Variants in TG observed in about 807,000 individuals in gnomAD.
TG encodes thyroglobulin.
In TG, 270 loss-of-function variants were observed where a neutral mutation model predicts 324.7. The ratio of observed to expected loss-of-function variants is 0.83; its 90% CI spans 0.75 to 0.92. The LOEUF is 0.92. Among genes scored for constraint, TG ranks in the 40% least tolerant of loss-of-function variants. TG has a pLI of 0.00. For missense variants in TG, 3,591 were observed against 3,456.4 expected (o/e 1.04, Z -0.98); for synonymous variants, 1,401 against 1,327.0 (o/e 1.06, Z -1.21).
At chr8:132,963,976 C>A (rs1828153062) in intron 29 of TG, among the ~76,000 whole-genome samples, 1 of 152,016 alleles carries the variant, frequency 6.6e-6, no homozygotes, top group African/African-American at 2.4e-5. Context: ...TACCTCTTAT[C>A]CCGTTAGATA....
Position 132,868,186 on chromosome 8 carries a change from G to A in TG, c.139G>A (p.Asp47Asn), listed in dbSNP as rs1208857552. ...QRETAFLKQA[D>N]YVPQCAEDGS... ...GGAAACGGCCTTTCTGAAGCAAGCA[G>A]ACTACGTGCCCCAGTGTGCAGAGGA... is the stretch of plus-strand genomic sequence containing the variant. Residue 47 changes from aspartate to asparagine, a missense_variant, in exon 2 of 48, where the codon GAC becomes AAC. Transcript: ENST00000220616. The A allele has an allele frequency of 3.1e-6, 5 of 1,614,160 alleles. No individual in the cohort carries two copies. The highest frequency in any genetic ancestry group is 1.3e-5 in the African/African-American group (1 of 75,036).
intron 35 of TG, chr8:133,001,671 AC>A: frequency 1.2e-6 from 1 of 862,292 alleles, no homozygotes; most frequent in Non-Finnish European, 1.4e-6. Context: ...CCGTCCGATG[AC>A]GACAGGGAGA....
chr8:133,058,659 G>A (rs547217588), intron 41 of TG, among the ~76,000 whole-genome samples: 5 of 152,284 alleles, frequency 3.3e-5, no homozygotes, highest in African/African-American at 1.2e-4. Context: ...TTTGGAGAGG[G>A]TGAGAAAGAG....
intron 20 of TG, among the ~76,000 whole-genome samples, chr8:132,917,887 CAATTTTTTTTTTTTTTTTAATTGCA>C (rs1019120547): frequency 1.8e-5 from 1 of 57,008 alleles, no homozygotes; most frequent in Non-Finnish European, 3.7e-5. Flanking sequence ...ACGGTTTTTG[CAATTTTTTTTTTTTTTTTAATTGCA>C]AAAACCACAA....
chr8:133,052,909 T>C (rs2131249667), intron 41 of TG, among the ~76,000 whole-genome samples: 1 of 152,298 alleles, frequency 6.6e-6, no homozygotes, highest in South Asian at 2.1e-4. Flanking sequence ...GGTTTCCTAG[T>C]CTGGAAAATG....
Position 132,941,506 on chromosome 8 carries a change from T to A in TG, c.5197T>A (p.Cys1733Ser). Reference sequence around the variant, plus strand: ...TCTTCTTGCATGCGACCGTGATCTGTGTTGCGATGGCTTCGTCCTCACACA... The same window carrying A: ...TCTTCTTGCATGCGACCGTGATCTGAGTTGCGATGGCTTCGTCCTCACACA... Reference protein sequence around the residue: ...FCLLACDRDLCCDGFVLTQVQ... With the variant: ...FCLLACDRDLSCDGFVLTQVQ... The change falls in exon 26 of 48, where the codon TGT becomes AGT. Residue 1733 changes from cysteine (C) to serine (S), a missense_variant. Transcript: ENST00000220616. The A allele has an allele frequency of 6.2e-7, 1 of 1,614,168 alleles. No individual in the cohort carries two copies. The highest frequency in any genetic ancestry group is 8.5e-7 in the Non-Finnish European group (1 of 1,180,042).
At chr8:133,058,635 G>C (rs1056969007) in intron 41 of TG, among the ~76,000 whole-genome samples, 2 of 152,198 alleles carry the variant, frequency 1.3e-5, no homozygotes, top group Non-Finnish European at 2.9e-5. Flanking sequence ...GGAGGAGGCT[G>C]TGGCCAAAGC....
At chr8:132,971,330 C>T (rs1829494066) in intron 32 of TG, among the ~76,000 whole-genome samples, 1 of 152,228 alleles carries the variant, frequency 6.6e-6, no homozygotes, top group Admixed American at 6.5e-5. Flanking sequence ...ACAGGCTCGG[C>T]TCTGGCTGCT....
chr8:132,882,434 A>G (rs1814775047), intron 6 of TG, 35 bp from the exon 7 acceptor site: 1 of 1,613,648 alleles, frequency 6.2e-7, no homozygotes, highest in African/African-American at 1.3e-5. Context: ...TTTCTGAATG[A>G]GACCATCTCT....
At chr8:132,908,582 T>G (rs1819033979) in intron 18 of TG, among the ~76,000 whole-genome samples, 1 of 152,028 alleles carries the variant, frequency 6.6e-6, no homozygotes, top group Non-Finnish European at 1.5e-5. Flanking sequence ...TAGTGCTTGT[T>G]CAAGTCTTTT....
chr8:132,878,630 A>C (rs1042496267), intron 5 of TG, among the ~76,000 whole-genome samples: 6 of 151,746 alleles, frequency 4.0e-5, no homozygotes, highest in Admixed American at 1.3e-4. Context: ...ACAAAAAAAA[A>C]ACAAAAAGTG....
At chr8:133,024,623 A>T (rs1835906912) in intron 40 of TG, among the ~76,000 whole-genome samples, 1 of 146,706 alleles carries the variant, frequency 6.8e-6, no homozygotes, top group Admixed American at 7.0e-5. Context: ...ATGTATTCTC[A>T]GTGTTCAACT....
At chr8:133,115,483 C>T (rs1198125799) in intron 44 of TG, among the ~76,000 whole-genome samples, 1 of 152,196 alleles carries the variant, frequency 6.6e-6, no homozygotes, top group Admixed American at 6.5e-5. Context: ...ACTTCAGAGC[C>T]TCACCTGGGA....
Position 133,087,113 on chromosome 8 carries a change from C to T in TG, c.7240-7931C>T, listed in dbSNP as rs1332110099. On this transcript the variant is annotated intron_variant, in intron 41 of 47. Coordinates refer to ENST00000220616, the MANE Select transcript of TG (RefSeq NM_003235.5). ...ACACACACACACACACACACACACA[C>T]ACACACACACGGAAGAGACATATTG... 2.6e-5 allele frequency among the ~76,000 whole-genome samples: 3 copies of T among 113,890 alleles called. No homozygotes were observed. The East Asian group carries it at 7.5e-4, about 29-fold the overall frequency. 74.7% of individuals were successfully genotyped at this position (113,890 alleles called of 152,430 possible). A position where few individuals can be genotyped will look rare whatever the true frequency, so the allele number is the denominator to read the frequency against.
At chr8:133,076,148 C>T (rs1304080774) in intron 41 of TG, 2 of 152,230 alleles carry the variant, frequency 1.3e-5, no homozygotes, top group African/African-American at 4.8e-5. Flanking sequence ...GGTAACCACA[C>T]TGGGATGGCC....
At chr8:133,087,107 C>T (rs1283029380) in intron 41 of TG, among the ~76,000 whole-genome samples, 1 of 125,158 alleles carries the variant, frequency 8.0e-6, no homozygotes, top group Non-Finnish European at 1.8e-5. Flanking sequence ...CACACACACA[C>T]ACACACACAC....
At chr8:133,033,522 C>T (rs996654333) in intron 41 of TG, among the ~76,000 whole-genome samples, 1 of 152,218 alleles carries the variant, frequency 6.6e-6, no homozygotes, top group Non-Finnish European at 1.5e-5. Flanking sequence ...TCAGGGTGAA[C>T]TCCTGACCTC....
intron 43 of TG, among the ~76,000 whole-genome samples, chr8:133,100,093 C>G (rs1037098540): frequency 5.9e-5 from 9 of 152,226 alleles, no homozygotes; most frequent in African/African-American, 2.2e-4. Context: ...CTGACCTTAA[C>G]TCCTGCTGTT....
chr8:133,078,240 C>T (rs2739162), intron 41 of TG, among the ~76,000 whole-genome samples: 4,554 of 152,248 alleles, frequency 0.03, 222 homozygotes, highest in African/African-American at 0.096. Context: ...GGCTTGGAAG[C>T]TACAGTATGG....
Sources: gnomAD v4.1 joint callset for allele counts (sites outside exome capture counted in the v4.1 genomes callset) on GRCh38, gnomAD v4.1.1 for gene constraint, MANE v1.5 for transcripts, NCBI Gene and HGNC (gene_info 2026-07-23, HGNC 2026-07-21) for gene names.